STPG2: variants seen among roughly 807,000 people sequenced by gnomAD.
STPG2 encodes the protein sperm-tail PG-rich repeat-containing protein 2.
Under a neutral mutation model 54.2 loss-of-function variants are expected in STPG2, and 56 were observed. The ratio of observed to expected loss-of-function variants is 1.03; its 90% CI spans 0.83 to 1.29. The LOEUF (loss-of-function observed/expected upper bound fraction) is 1.29. STPG2 is among the 50% of genes most tolerant of loss of function. STPG2 has a pLI of 0.00. For missense variants in STPG2, 596 were observed against 544.9 expected (o/e 1.09, Z -0.93); for synonymous variants, 200 against 181.8 (o/e 1.10, Z -0.81).
intron 8 of STPG2, among the ~76,000 whole-genome samples, chr4:97,935,483 T>G (rs1003406154): frequency 6.6e-6 from 1 of 152,188 alleles, no homozygotes; most frequent in Non-Finnish European, 1.5e-5. Flanking sequence ...AGGGTGTTGA[T>G]TTGAGATCTT....
chr4:97,638,661 A>C (rs1453536108), intron 10 of STPG2, among the ~76,000 whole-genome samples: 2 of 142,236 alleles, frequency 1.4e-5, no homozygotes, highest in East Asian at 4.0e-4. Flanking sequence ...AAAAACAAAC[A>C]ACCCCATCAA....
intron 6 of STPG2, among the ~76,000 whole-genome samples, chr4:97,975,417 GTTATT>G (rs1304059857): frequency 1.3e-5 from 2 of 152,048 alleles, no homozygotes; most frequent in Non-Finnish European, 2.9e-5. Context: ...TGTCACAAAA[GTTATT>G]TTAATTTTTG....
At chr4:97,945,366 C>T (rs910774166) in intron 7 of STPG2, among the ~76,000 whole-genome samples, 1 of 152,098 alleles carries the variant, frequency 6.6e-6, no homozygotes, top group Admixed American at 6.6e-5. Flanking sequence ...CAGCTCCATC[C>T]AAGTTGCTGC....
chr4:97,662,812 G>A (rs1469234799), intron 10 of STPG2, among the ~76,000 whole-genome samples: 1 of 152,038 alleles, frequency 6.6e-6, no homozygotes, highest in African/African-American at 2.4e-5. Flanking sequence ...GGGGACTGTG[G>A]GTTGAAAAAC....
At chr4:98,110,809 T>C (rs549401897) in intron 3 of STPG2, among the ~76,000 whole-genome samples, 2 of 152,266 alleles carry the variant, frequency 1.3e-5, no homozygotes, top group East Asian at 3.9e-4. Flanking sequence ...ACCGCTAAGT[T>C]GTTCTAGGTG....
chr4:98,077,612 A>C (rs909990851), intron 5 of STPG2, among the ~76,000 whole-genome samples: 3 of 152,188 alleles, frequency 2.0e-5, no homozygotes, highest in Admixed American at 2.0e-4. Flanking sequence ...CTAAAAGATA[A>C]ATTTAGACAG....
At chr4:97,763,579 T>G (rs1218820787) in intron 9 of STPG2, among the ~76,000 whole-genome samples, 1 of 152,134 alleles carries the variant, frequency 6.6e-6, no homozygotes, top group Non-Finnish European at 1.5e-5. Context: ...CAGGATAGTC[T>G]TATTTTATGC....
At chr4:97,785,849 A>T (rs886592433) in intron 9 of STPG2, among the ~76,000 whole-genome samples, 2 of 151,968 alleles carry the variant, frequency 1.3e-5, no homozygotes, top group Non-Finnish European at 2.9e-5. Flanking sequence ...CAAAAAAAAA[A>T]CTATATGAGT....
At chr4:97,615,794 T>G (rs1190101547) in intron 10 of STPG2, among the ~76,000 whole-genome samples, 1 of 151,278 alleles carries the variant, frequency 6.6e-6, no homozygotes, top group Non-Finnish European at 1.5e-5. Context: ...ATCCCAACAC[T>G]GGGAGGCCGA....
At position 98,128,385 on chromosome 4, in the gene STPG2, T is replaced by A. The variant is rs201767185; in HGVS notation, c.387+43A>T. 7.9e-5 allele frequency: 119 copies of A among 1,497,924 alleles called. 1 individual carries two copies. In the Admixed American group the frequency reaches 1.1e-3, roughly 14 times the overall value. The allele number at this position is 1,497,924 out of a possible 1,614,324, so 92.8% of individuals were successfully genotyped here. A position where few individuals can be genotyped will look rare whatever the true frequency, so the allele number is the denominator to read the frequency against. Reference sequence around the variant, plus strand: ...AAAAAAGAAACCCATATGTAAATCATAAACAATTTTCCAATTGTCAATATG... The same window carrying A: ...AAAAAAGAAACCCATATGTAAATCAAAAACAATTTTCCAATTGTCAATATG... On this transcript the variant is annotated intron_variant, in intron 3 of 10. Transcript: ENST00000295268.
At chr4:97,526,471 TGTTTG>T (rs1731282490) in intron 4 of STPG2, among the ~76,000 whole-genome samples, 1 of 152,102 alleles carries the variant, frequency 6.6e-6, no homozygotes, top group Admixed American at 6.6e-5. Flanking sequence ...TCTTTTTGTT[TGTTTG>T]TTTTTGAGAA....
At chr4:97,735,687 T>C (rs1578518175) in intron 9 of STPG2, among the ~76,000 whole-genome samples, 1 of 150,554 alleles carries the variant, frequency 6.6e-6, no homozygotes, top group African/African-American at 2.4e-5. Context: ...TACATGTATA[T>C]CCTTACAATA....
At chr4:98,120,845 T>C (rs180843496) in intron 3 of STPG2, among the ~76,000 whole-genome samples, 10 of 152,266 alleles carry the variant, frequency 6.6e-5, no homozygotes, top group Admixed American at 3.3e-4. Flanking sequence ...TTTTCTCCCA[T>C]TCTGTAGGTT....
intron 10 of STPG2, among the ~76,000 whole-genome samples, chr4:97,687,321 T>C (rs1408798025): frequency 4.1e-5 from 1 of 24,540 alleles, no homozygotes; most frequent in Non-Finnish European, 7.3e-5. Flanking sequence ...GCACTGAATC[T>C]TTTTTTTTTT....
intron 10 of STPG2, among the ~76,000 whole-genome samples, chr4:97,657,861 A>C (rs1302989782): frequency 6.6e-6 from 1 of 152,148 alleles, no homozygotes; most frequent in East Asian, 1.9e-4. Context: ...AATAATGAAA[A>C]CCTCATCCAT....
chr4:97,966,991 T>C (rs1372081959), intron 7 of STPG2, among the ~76,000 whole-genome samples: 2 of 152,050 alleles, frequency 1.3e-5, no homozygotes, highest in African/African-American at 4.8e-5. Context: ...AATGACAGGA[T>C]CAAATTCACA....
At chr4:97,997,457 C>G (rs552119451) in intron 5 of STPG2, among the ~76,000 whole-genome samples, 1 of 152,030 alleles carries the variant, frequency 6.6e-6, no homozygotes, top group Non-Finnish European at 1.5e-5. Flanking sequence ...CCAGATCTCA[C>G]GAGAACTCAC....
At chr4:98,120,119 C>A (rs576801761) in intron 3 of STPG2, among the ~76,000 whole-genome samples, 144 of 152,142 alleles carry the variant, frequency 9.5e-4, no homozygotes, top group Non-Finnish European at 4.7e-4. Flanking sequence ...CTTGCTCTGT[C>A]ACCCAGGCTG....
At chr4:97,815,516 T>C (rs77704805) in intron 9 of STPG2, among the ~76,000 whole-genome samples, 1,924 of 152,298 alleles carry the variant, frequency 0.013, 45 homozygotes, top group African/African-American at 0.044. Context: ...TCAACCTGTA[T>C]ATATAAAATC....
Sources: gnomAD v4.1 joint callset for allele counts (sites outside exome capture counted in the v4.1 genomes callset) on GRCh38, gnomAD v4.1.1 for gene constraint, MANE v1.5 for transcripts, NCBI Gene and HGNC (gene_info 2026-07-23, HGNC 2026-07-21) for gene names.